Variants in ZNF718 observed in about 807,000 individuals in gnomAD.
ZNF718 encodes the protein zinc finger protein 718.
Under a neutral mutation model 2.6 loss-of-function variants are expected in ZNF718, and 3 were observed. The observed-to-expected ratio is 1.16, with a 90% CI of 0.53 to 3.01. The LOEUF (loss-of-function observed/expected upper bound fraction) is 3.01, where lower values mean the gene tolerates loss of function less well. Ranked by LOEUF, ZNF718 falls within the 30% of genes most tolerant of loss-of-function variation. The pLI is 0.03. For synonymous variants in ZNF718, 135 were observed against 77.9 expected, an observed-to-expected ratio of 1.73 and a Z score of -3.86; for missense variants, 468 against 230.0, an observed-to-expected ratio of 2.03 and a Z score of -6.69.
chr4:156,456 C>T (rs1190333834), intron 3 of ZNF718, among the ~76,000 whole-genome samples: 2 of 151,550 alleles, frequency 1.3e-5, no homozygotes, highest in African/African-American at 2.4e-5. Flanking sequence ...GCCATCATAC[C>T]TCTGTATCTC....
chr4:180,870 T>G (rs1276614378), intron 3 of ZNF718, among the ~76,000 whole-genome samples: 3 of 152,216 alleles, frequency 2.0e-5, no homozygotes, highest in African/African-American at 7.2e-5. Context: ...GGTAAATTAT[T>G]GTATTAACTC....
intron 3 of ZNF718, among the ~76,000 whole-genome samples, chr4:191,051 A>AT (rs1553821125): frequency 6.6e-6 from 1 of 150,798 alleles, no homozygotes; most frequent in Non-Finnish European, 1.5e-5. Context: ...AAATATATAT[A>AT]TATTTTTTTC....
At chr4:198,811 G>T (rs1717842029) in intron 3 of ZNF718, among the ~76,000 whole-genome samples, 2 of 152,194 alleles carry the variant, frequency 1.3e-5, no homozygotes, top group South Asian at 4.1e-4. Flanking sequence ...TCAAGGACAT[G>T]TGCCCATCTG....
At position 129,654 on chromosome 4, in the gene ZNF718, G is replaced by T. The variant is rs1715305170; in HGVS notation, c.4-1134G>T. Among the ~76,000 whole-genome samples the T allele has an allele frequency of 2.9e-5, 3 of 103,534 alleles. 1 individual carries two copies. The highest frequency in any genetic ancestry group is 5.9e-4 in the South Asian group (2 of 3,388). The allele number at this position is 103,534 out of a possible 152,430, so 67.9% of individuals were successfully genotyped here. A position where few individuals can be genotyped will look rare whatever the true frequency, so the allele number is the denominator to read the frequency against. ...GTTCCCCATCTCTGCAGTTTCAGTG[G>T]TTTTTTTCACAAGTCTCATAATAAC... On this transcript the variant is annotated intron_variant, in intron 1 of 3. Coordinates refer to ENST00000510175, the MANE Select transcript of ZNF718 (RefSeq NM_001039127.6).
intron 3 of ZNF718, among the ~76,000 whole-genome samples, chr4:192,370 C>A (rs999723239): frequency 6.6e-6 from 1 of 152,198 alleles, no homozygotes; most frequent in African/African-American, 2.4e-5. Context: ...TTGACTATTT[C>A]TTTACCTCTT....
At chr4:198,392 C>G (rs1474451056) in intron 3 of ZNF718, among the ~76,000 whole-genome samples, 1 of 152,176 alleles carries the variant, frequency 6.6e-6, no homozygotes, top group African/African-American at 2.4e-5. Flanking sequence ...AAGACCCCCT[C>G]AGGTCCAGAC....
chr4:190,287 A>T (rs1281194360), intron 3 of ZNF718, among the ~76,000 whole-genome samples: 2 of 151,986 alleles, frequency 1.3e-5, no homozygotes, highest in Non-Finnish European at 2.9e-5. Context: ...AAAATTAGCC[A>T]GGCGTGGTGA....
rs190931924 is a variant in ZNF718 at position 159,363 on chromosome 4, A to G, written c.227-1549A>G. On this transcript the variant is annotated intron_variant, in intron 3 of 3. Transcript: ENST00000510175. ...AGCTATTTTTCTTTCACCACTTTAT[A>G]TTACAATTCCATGACATCTGGAATT... 8.8e-3 allele frequency among the ~76,000 whole-genome samples: 1,293 copies of G among 147,630 alleles called. 17 individuals are homozygous for G. Among genetic ancestry groups the G allele is most frequent in the Middle Eastern group, 0.065 (18 of 276 alleles).
intron 3 of ZNF718, among the ~76,000 whole-genome samples, chr4:143,515 G>A (rs1553810622): frequency 6.6e-6 from 1 of 152,174 alleles, no homozygotes; most frequent in African/African-American, 2.4e-5. Context: ...AAAATTCTGG[G>A]ATGCCATTGT....
chr4:156,915 C>G (rs946362674), intron 3 of ZNF718, among the ~76,000 whole-genome samples: 34 of 152,034 alleles, frequency 2.2e-4, no homozygotes, highest in African/African-American at 7.0e-4. Flanking sequence ...GTACAAATTA[C>G]TCTTCATGTG....
At chr4:143,560 C>T (rs868950252) in intron 3 of ZNF718, among the ~76,000 whole-genome samples, 2 of 152,138 alleles carry the variant, frequency 1.3e-5, no homozygotes, top group South Asian at 4.1e-4. Flanking sequence ...CACCAACAGA[C>T]CAAAACAAAA....
chr4:173,055 TAAAATA>T (rs1717272493), intron 3 of ZNF718, among the ~76,000 whole-genome samples: 1 of 151,748 alleles, frequency 6.6e-6, no homozygotes, highest in Non-Finnish European at 1.5e-5. Flanking sequence ...AAAAAATAAA[TAAAATA>T]AAAATAAATA....
chr4:160,336 C>T (rs1716767709), intron 3 of ZNF718, among the ~76,000 whole-genome samples: 1 of 152,074 alleles, frequency 6.6e-6, no homozygotes, highest in Non-Finnish European at 1.5e-5. Flanking sequence ...TTTTATGTGG[C>T]TCTTGGAATT....
At chr4:169,532 C>T (rs972485706) in intron 3 of ZNF718, among the ~76,000 whole-genome samples, 29 of 152,144 alleles carry the variant, frequency 1.9e-4, no homozygotes, top group African/African-American at 4.6e-4. Flanking sequence ...AATCTGGGTG[C>T]TCCTGTATTG....
intron 3 of ZNF718, among the ~76,000 whole-genome samples, chr4:192,328 C>G (rs1348060658): frequency 2.6e-5 from 4 of 152,166 alleles, no homozygotes; most frequent in Non-Finnish European, 4.4e-5. Context: ...CAATCATTGT[C>G]CCTCCCCCTG....
At chr4:138,551 C>G (rs1251263919) in intron 3 of ZNF718, among the ~76,000 whole-genome samples, 1 of 152,158 alleles carries the variant, frequency 6.6e-6, no homozygotes, top group Non-Finnish European at 1.5e-5. Context: ...TAGGTTGCTT[C>G]TAAATTTTGG....
chr4:124,598 C>T lies in ZNF718; in HGVS notation c.-73C>T, dbSNP rs1219521141. ...TCGGTGATTCTGCCACAGCCTCAGCCTCTGTGGCTCTGTGACCTGCCGGTA... is the reference window on the plus strand; with the variant it reads ...TCGGTGATTCTGCCACAGCCTCAGCTTCTGTGGCTCTGTGACCTGCCGGTA... On this transcript the variant is annotated 5_prime_UTR_variant, in exon 1 of 4. Coordinates refer to ENST00000510175, the MANE Select transcript of ZNF718 (RefSeq NM_001039127.6). 13 of 1,582,432 alleles carry T rather than the reference C, an allele frequency of 8.2e-6. No homozygotes were observed. Among genetic ancestry groups the T allele is most frequent in the East Asian group, 2.2e-5 (1 of 44,612 alleles).
At chr4:167,164 T>C (rs1386960049), downstream of ZNF718, among the ~76,000 whole-genome samples, 2 of 152,184 alleles carry the variant, frequency 1.3e-5, no homozygotes, top group Non-Finnish European at 1.5e-5. Flanking sequence ...TGGTTGTAGA[T>C]ATGTGGCATT....
At chr4:171,480 G>A (rs571342694) in intron 3 of ZNF718, among the ~76,000 whole-genome samples, 56 of 152,044 alleles carry the variant, frequency 3.7e-4, no homozygotes, top group Admixed American at 9.8e-4. Context: ...CTTGAATTGC[G>A]GTGGGCTCCA....
Sources: allele counts gnomAD v4.1 joint callset (sites outside exome capture counted in the v4.1 genomes callset), GRCh38; gene constraint gnomAD v4.1.1; transcripts MANE v1.5; gene names NCBI Gene and HGNC (gene_info 2026-07-23, HGNC 2026-07-21).